GASK1A: variants seen among roughly 807,000 people sequenced by gnomAD.
GASK1A encodes the protein golgi associated kinase 1A, also known as Golgi-associated kinase 1A.
A neutral mutation model predicts 41.2 loss-of-function variants in GASK1A; 40 were observed. The observed-to-expected ratio is 0.97, with a 90% CI of 0.75 to 1.27. The LOEUF (loss-of-function observed/expected upper bound fraction) is 1.27, where lower values mean the gene tolerates loss of function less well. GASK1A is among the 50% of genes most tolerant of loss of function. The pLI is 0.00. For synonymous variants in GASK1A, 316 were observed against 307.1 expected (o/e 1.03, Z -0.30); for missense variants, 678 against 745.1 (o/e 0.91, Z 1.05).
chr3:43,032,427 C>A lies in GASK1A; in HGVS notation c.164C>A (p.Ala55Asp). The A allele has an allele frequency of 6.4e-7, 1 of 1,551,044 alleles. No homozygotes were observed. Among genetic ancestry groups the A allele is most frequent in the Non-Finnish European group, 8.7e-7 (1 of 1,146,494 alleles). The stretch of plus-strand genomic sequence containing the variant: ...ATGGAGCCTCAGGGGGTAACTGGCG[C>A]CCCTGCAACCCATATCCGGCAGGCT... ...GPMEPQGVTG[A>D]PATHIRQALS... The change falls in exon 2 of 5, where the codon GCC (alanine) becomes GAC (aspartate). Residue 55 changes from alanine to aspartate, a missense_variant. Ala to Asp is a moderately radical substitution (Grantham distance 126, BLOSUM62 -2). Transcript: ENST00000430121.
At chr3:43,010,116 G>T (rs190816292) in intron 1 of GASK1A, among the ~76,000 whole-genome samples, 1 of 152,270 alleles carries the variant, frequency 6.6e-6, no homozygotes, top group Admixed American at 6.5e-5. Flanking sequence ...TTCCCTGAGG[G>T]TCTCCAAAGT....
intron 1 of GASK1A, among the ~76,000 whole-genome samples, chr3:43,029,924 C>T (rs1359023714): frequency 6.6e-6 from 1 of 152,168 alleles, no homozygotes; most frequent in Non-Finnish European, 1.5e-5. Context: ...TCATGAGGGG[C>T]GGCATTCCTC....
At position 42,979,608 on chromosome 3, in the gene GASK1A, C is replaced by T. The variant is rs2089269579; in HGVS notation, c.-35C>T. 3.2e-6 allele frequency: 4 copies of T among 1,241,640 alleles called. No homozygotes were observed. The highest frequency in any genetic ancestry group is 4.1e-5 in the South Asian group (1 of 24,352). 76.9% of individuals were successfully genotyped at this position (1,241,640 alleles called of 1,614,324 possible). A position where few individuals can be genotyped will look rare whatever the true frequency, so the allele number is the denominator to read the frequency against. The stretch of plus-strand genomic sequence containing the variant: ...GGGATGAGTCTGCGAGCCGGCTGAG[C>T]GCGCCGAGGAGCCGGCCGGGGCACC... On this transcript the variant is annotated 5_prime_UTR_variant, in exon 1 of 5. Coordinates refer to ENST00000430121, the MANE Select transcript of GASK1A (RefSeq NM_001129908.3).
chr3:42,980,967 T>A (rs1411358152), intron 1 of GASK1A, among the ~76,000 whole-genome samples: 2 of 152,186 alleles, frequency 1.3e-5, no homozygotes, highest in Non-Finnish European at 2.9e-5. Context: ...TGCTGGAGTC[T>A]CCTGGCTTTA....
At chr3:43,054,545 A>C (rs2089707092) in intron 3 of GASK1A, among the ~76,000 whole-genome samples, 1 of 152,188 alleles carries the variant, frequency 6.6e-6, no homozygotes, top group Non-Finnish European at 1.5e-5. Context: ...GAGTGGGGTG[A>C]GAAAGGAGAA....
At chr3:43,045,391 A>G (rs2089657140) in intron 2 of GASK1A, among the ~76,000 whole-genome samples, 1 of 152,150 alleles carries the variant, frequency 6.6e-6, no homozygotes, top group Non-Finnish European at 1.5e-5. Flanking sequence ...CTTTTATATT[A>G]TGACAGACAA....
chr3:43,034,002 T>C (rs2089593083), intron 2 of GASK1A, among the ~76,000 whole-genome samples: 1 of 152,226 alleles, frequency 6.6e-6, no homozygotes, highest in Admixed American at 6.5e-5. Flanking sequence ...TGTTGGTAGC[T>C]TGAAATCCGT....
At chr3:43,037,417 C>T in intron 2 of GASK1A, 1 of 909,094 alleles carries the variant, frequency 1.1e-6, no homozygotes, top group East Asian at 2.4e-5. Context: ...ACAGAAGCTG[C>T]TCTGGAGGCA....
rs533986435 is a variant in GASK1A, at chr3:43,041,875, G to A, written c.1290+8322G>A. On this transcript the variant is annotated intron_variant, in intron 2 of 4. Coordinates refer to ENST00000430121, the MANE Select transcript of GASK1A (RefSeq NM_001129908.3). ...TTCTTGCTTTATTAAGATTTTTTCA[G>A]GCCAGGTGCAGGGGCTCATGCCTGT... Among the ~76,000 whole-genome samples the A allele has an allele frequency of 3.3e-5, 5 of 152,254 alleles. No homozygotes were observed. In the East Asian group the frequency reaches 9.7e-4, roughly 29 times the overall value.
At chr3:43,052,494 G>A (rs1000007223) in intron 2 of GASK1A, among the ~76,000 whole-genome samples, 5 of 152,092 alleles carry the variant, frequency 3.3e-5, no homozygotes, top group Admixed American at 2.0e-4. Flanking sequence ...GGCATTCATT[G>A]AGGTATTGCA....
intron 1 of GASK1A, among the ~76,000 whole-genome samples, chr3:43,003,451 C>T (rs1299418260): frequency 6.7e-6 from 1 of 148,918 alleles, no homozygotes; most frequent in African/African-American, 2.5e-5. Flanking sequence ...GCCAAGATCG[C>T]ACCACTGCAC....
rs1451590589 is a variant in GASK1A at position 43,033,508 on chromosome 3, C to T, written c.1245C>T (p.His415=). Reference sequence around the variant, plus strand: ...GCCAGGCCCCGTGCCCGGGCATCCACCATACCGAGTGGGCACGCCTGGCGC... The same window carrying T: ...GCCAGGCCCCGTGCCCGGGCATCCATCATACCGAGTGGGCACGCCTGGCGC... The part of the protein sequence containing the change: ...WPGQAPCPGI[H]HTEWARLALF... Residue 415 remains histidine, a synonymous_variant, in exon 2 of 5, where the codon CAC becomes CAT. Coordinates refer to ENST00000430121, the MANE Select transcript of GASK1A (RefSeq NM_001129908.3). 3 of 1,548,376 alleles carry T rather than the reference C, an allele frequency of 1.9e-6. No individual in the cohort carries two copies. Among genetic ancestry groups the T allele is most frequent in the Admixed American group, 3.9e-5 (2 of 50,890 alleles).
At chr3:43,037,556 GA>G in intron 2 of GASK1A, 1 of 335,622 alleles carries the variant, frequency 3.0e-6, no homozygotes. Flanking sequence ...TTCTGTAAGA[GA>G]AAAATGAGGA....
intron 1 of GASK1A, among the ~76,000 whole-genome samples, chr3:42,989,945 G>T (rs1044001812): frequency 6.6e-6 from 1 of 151,588 alleles, no homozygotes. Flanking sequence ...TTTCTTTTGG[G>T]TCTCTTTGGA....
At chr3:42,991,406 T>C (rs935033155) in intron 1 of GASK1A, among the ~76,000 whole-genome samples, 1 of 152,180 alleles carries the variant, frequency 6.6e-6, no homozygotes, top group Non-Finnish European at 1.5e-5. Flanking sequence ...CACTTAGATA[T>C]ATTATTCACA....
intron 1 of GASK1A, among the ~76,000 whole-genome samples, chr3:42,987,308 G>A (rs1447738212): frequency 6.6e-6 from 1 of 152,224 alleles, no homozygotes; most frequent in Non-Finnish European, 1.5e-5. Context: ...ACACAAAGTG[G>A]AGAGGAAGGG....
intron 1 of GASK1A, among the ~76,000 whole-genome samples, chr3:42,998,793 A>G (rs2089390636): frequency 6.6e-6 from 1 of 152,040 alleles, no homozygotes. Flanking sequence ...AGTTCACCTG[A>G]TATCACTTCT....
intron 1 of GASK1A, among the ~76,000 whole-genome samples, chr3:42,990,794 G>C (rs375737975): frequency 1.3e-5 from 2 of 152,198 alleles, no homozygotes; most frequent in South Asian, 4.1e-4. Flanking sequence ...TGCTCTGTCA[G>C]CTAGGTGTCA....
chr3:43,022,615 T>C (rs957706799), intron 1 of GASK1A, among the ~76,000 whole-genome samples: 1 of 152,198 alleles, frequency 6.6e-6, no homozygotes, highest in Admixed American at 6.5e-5. Flanking sequence ...GACCTTTCTG[T>C]TTTCTCAGTT....
Sources: allele counts gnomAD v4.1 joint callset (sites outside exome capture counted in the v4.1 genomes callset), GRCh38; gene constraint gnomAD v4.1.1; transcripts MANE v1.5; gene names NCBI Gene and HGNC (gene_info 2026-07-23, HGNC 2026-07-21).